The following CLSTN2 variants were observed in gnomAD, a reference collection of about 807,000 sequenced individuals.
CLSTN2 encodes the protein calsyntenin-2.
In CLSTN2, 48 loss-of-function variants were observed where a neutral mutation model predicts 101.2. The observed-to-expected ratio is 0.47, with a 90% CI of 0.38 to 0.60. The LOEUF is 0.60. CLSTN2 is among the 20% of genes least tolerant of loss of function. CLSTN2 has a pLI of 0.00. For synonymous variants in CLSTN2, 481 were observed against 463.6 expected (o/e 1.04, Z -0.48); for missense variants, 1,160 against 1,238.2 (o/e 0.94, Z 0.95).
At chr3:139,936,507 G>C (rs189247651) in intron 1 of CLSTN2, among the ~76,000 whole-genome samples, 69 of 152,320 alleles carry the variant, frequency 4.5e-4, no homozygotes, top group Admixed American at 8.5e-4. Flanking sequence ...GTGACAATGA[G>C]GGGTACTTGG....
chr3:140,498,609 G>T (rs1216872898), intron 8 of CLSTN2, among the ~76,000 whole-genome samples: 1 of 152,164 alleles, frequency 6.6e-6, no homozygotes, highest in Non-Finnish European at 1.5e-5. Context: ...ATGCAGTTTT[G>T]GTGGGTCAAG....
intron 1 of CLSTN2, among the ~76,000 whole-genome samples, chr3:139,987,810 A>G (rs1414563030): frequency 1.3e-5 from 2 of 152,146 alleles, no homozygotes; most frequent in Non-Finnish European, 2.9e-5. Flanking sequence ...TAGTTGCTGA[A>G]CCCCTGGGGA....
intron 5 of CLSTN2, among the ~76,000 whole-genome samples, chr3:140,430,448 A>G (rs2088615987): frequency 6.6e-6 from 1 of 152,202 alleles, no homozygotes; most frequent in Non-Finnish European, 1.5e-5. Flanking sequence ...TTAAAATTAT[A>G]TGAAGTTTTA....
chr3:140,046,997 T>C (rs2007895541), intron 1 of CLSTN2, among the ~76,000 whole-genome samples: 1 of 152,182 alleles, frequency 6.6e-6, no homozygotes, highest in East Asian at 1.9e-4. Flanking sequence ...TTATCATTGA[T>C]ATTGAGAGAT....
At chr3:140,248,259 G>A (rs939858463) in intron 2 of CLSTN2, among the ~76,000 whole-genome samples, 3 of 152,220 alleles carry the variant, frequency 2.0e-5, no homozygotes, top group African/African-American at 7.2e-5. Context: ...ATTTTGAAGT[G>A]TAGACACAAA....
At chr3:140,151,456 A>C (rs1210605222) in intron 1 of CLSTN2, among the ~76,000 whole-genome samples, 1 of 152,000 alleles carries the variant, frequency 6.6e-6, no homozygotes, top group African/African-American at 2.4e-5. Context: ...AGACAAGCAG[A>C]GATTGCAAAA....
intron 2 of CLSTN2, among the ~76,000 whole-genome samples, chr3:140,183,962 T>C (rs1395318427): frequency 6.6e-6 from 1 of 152,230 alleles, no homozygotes; most frequent in Non-Finnish European, 1.5e-5. Context: ...CCAAAACTTA[T>C]GAGCATCAAA....
intron 2 of CLSTN2, among the ~76,000 whole-genome samples, chr3:140,271,188 T>C (rs182823308): frequency 1.3e-5 from 2 of 152,072 alleles, no homozygotes; most frequent in Admixed American, 1.3e-4. Context: ...CATCTCAAAA[T>C]CTCTTGGAGG....
chr3:140,482,458 T>C (rs1403629494), intron 8 of CLSTN2, among the ~76,000 whole-genome samples: 2 of 152,206 alleles, frequency 1.3e-5, no homozygotes, highest in African/African-American at 4.8e-5. Context: ...GCTGGCCTCA[T>C]AAAATGAGTT....
intron 2 of CLSTN2, among the ~76,000 whole-genome samples, chr3:140,284,916 C>A (rs1357239604): frequency 6.6e-6 from 1 of 152,048 alleles, no homozygotes; most frequent in African/African-American, 2.4e-5. Flanking sequence ...AGCCTGCCAA[C>A]CCCCACCTCT....
intron 1 of CLSTN2, among the ~76,000 whole-genome samples, chr3:140,044,457 CA>C (rs1240593800): frequency 6.6e-6 from 1 of 152,202 alleles, no homozygotes; most frequent in African/African-American, 2.4e-5. Context: ...TCTAGATATA[CA>C]ATCATGTCAT....
At chr3:140,260,481 T>TA (rs1246525311) in intron 2 of CLSTN2, among the ~76,000 whole-genome samples, 1 of 152,090 alleles carries the variant, frequency 6.6e-6, no homozygotes, top group African/African-American at 2.4e-5. Flanking sequence ...ACATCTAATA[T>TA]AAAAAGTTAT....
In CLSTN2 at chr3:140,389,388, G is replaced by T. The variant is rs545766354; in HGVS notation, c.233-14241G>T. Among the ~76,000 whole-genome samples the T allele has an allele frequency of 2.0e-5, 3 of 152,336 alleles. No homozygotes were observed. In the South Asian group the frequency reaches 6.2e-4, roughly 32 times the overall value. ...CCACTTATAAGTGAGAACATATGGT[G>T]TTTGGTTTTGTGTTCCTGTGTTAGT... On this transcript the variant is annotated intron_variant, in intron 2 of 16. Coordinates refer to ENST00000458420, the MANE Select transcript of CLSTN2 (RefSeq NM_022131.3).
intron 1 of CLSTN2, among the ~76,000 whole-genome samples, chr3:140,136,050 A>G (rs1300862525): frequency 6.6e-6 from 1 of 152,214 alleles, no homozygotes; most frequent in African/African-American, 2.4e-5. Context: ...CTTAATGAGC[A>G]GTTCCTTCAG....
intron 2 of CLSTN2, among the ~76,000 whole-genome samples, chr3:140,305,985 C>G (rs2087110567): frequency 6.6e-6 from 1 of 152,144 alleles, no homozygotes; most frequent in African/African-American, 2.4e-5. Context: ...AAATCTCCGT[C>G]TCTTTACTCT....
At chr3:140,195,755 A>G (rs2107838557) in intron 2 of CLSTN2, among the ~76,000 whole-genome samples, 1 of 152,326 alleles carries the variant, frequency 6.6e-6, no homozygotes, top group Non-Finnish European at 1.5e-5. Context: ...CCAGGCAACG[A>G]GCTTGTGAAT....
chr3:140,459,629 G>A lies in CLSTN2; in HGVS notation c.1082G>A (p.Arg361Lys). 6.2e-7 allele frequency: 1 copy of A among 1,614,158 alleles called. No homozygotes were observed. Among genetic ancestry groups the A allele is most frequent in the Non-Finnish European group, 8.5e-7 (1 of 1,180,016 alleles). ...SSEMIFKFDG[R>K]QGAKVPDGIV... ...GAGATGATCTTCAAGTTTGACGGCA[G>A]GCAGGGTGCCAAAGTCCCCGATGGG... Residue 361 changes from arginine to lysine, a missense_variant, in exon 7 of 17, where the codon AGG becomes AAG. Arg to Lys is a conservative substitution (Grantham distance 26, BLOSUM62 2). Transcript: ENST00000458420.
chr3:140,079,454 A>T (rs1030584165), intron 1 of CLSTN2, among the ~76,000 whole-genome samples: 2 of 152,224 alleles, frequency 1.3e-5, no homozygotes, highest in Non-Finnish European at 2.9e-5. Context: ...ACTGTAGAAA[A>T]GAATACCAGG....
intron 2 of CLSTN2, among the ~76,000 whole-genome samples, chr3:140,283,420 A>G (rs2086866709): frequency 6.6e-6 from 1 of 152,188 alleles, no homozygotes; most frequent in South Asian, 2.1e-4. Context: ...TATAGGGACC[A>G]GAACAGGTGA....
Sources: gnomAD v4.1 joint callset for allele counts (sites outside exome capture counted in the v4.1 genomes callset) on GRCh38, gnomAD v4.1.1 for gene constraint, MANE v1.5 for transcripts, NCBI Gene and HGNC (gene_info 2026-07-23, HGNC 2026-07-21) for gene names.